The following GLRA2 variants were observed in gnomAD, a reference collection of about 807,000 sequenced individuals.
GLRA2 encodes the protein glycine receptor subunit alpha-2.
In GLRA2, 11 loss-of-function variants were observed where a neutral mutation model predicts 31.6. The observed-to-expected ratio is 0.35, with a 90% CI of 0.22 to 0.58. The LOEUF is 0.58. Among genes scored for constraint, GLRA2 ranks in the 20% least tolerant of loss-of-function variants. GLRA2 has a pLI of 0.84. For synonymous variants in GLRA2, 132 were observed against 134.0 expected, an observed-to-expected ratio of 0.99 and a Z score of 0.10; for missense variants, 212 against 351.8, an observed-to-expected ratio of 0.60 and a Z score of 3.18.
intron 4 of GLRA2, among the ~76,000 whole-genome samples, chrX:14,582,967 G>C (rs981598837): frequency 1.8e-5 from 2 of 111,925 alleles, no homozygotes; most frequent in Non-Finnish European, 3.8e-5. Context: ...CTTGATATAA[G>C]ATATATTAAA....
intron 4 of GLRA2, among the ~76,000 whole-genome samples, chrX:14,590,239 G>C (rs1352138881): frequency 9.0e-6 from 1 of 111,135 alleles, no homozygotes; most frequent in Non-Finnish European, 1.9e-5. Flanking sequence ...AGTAGTACTT[G>C]AGTTGTAATA....
intron 2 of GLRA2, among the ~76,000 whole-genome samples, chrX:14,539,405 T>C (rs1421294220): frequency 3.6e-5 from 4 of 111,605 alleles, no homozygotes; most frequent in Non-Finnish European, 7.6e-5. Flanking sequence ...AGAGAGCTAC[T>C]CTGCACACTT....
In GLRA2 at chrX:14,723,303, A is replaced by G. The variant is rs181680116; in HGVS notation, c.1081-6904A>G. On this transcript the variant is annotated intron_variant, in intron 8 of 8. Coordinates refer to ENST00000218075, the MANE Select transcript of GLRA2 (RefSeq NM_002063.4). ...CTGGAGGTTAACCTTGACAATTTCC[A>G]ATCCATCTCTAAGACCTGTTGATTG... 2.3e-4 allele frequency among the ~76,000 whole-genome samples: 26 copies of G among 112,071 alleles called. 1 individual carries two copies. In the Admixed American group the frequency reaches 2.4e-3, roughly 10 times the overall value.
chrX:14,468,936 T>C, the GLRA2 span, among the ~76,000 whole-genome samples: 4 of 111,105 alleles, frequency 3.6e-5, no homozygotes, highest in Non-Finnish European at 7.6e-5. Context: ...CATTTTTTCA[T>C]GTGTTTTTTG....
chrX:14,534,181 G>A (rs2089293210), intron 2 of GLRA2, among the ~76,000 whole-genome samples: 2 of 106,447 alleles, frequency 1.9e-5, no homozygotes, highest in South Asian at 8.3e-4. Flanking sequence ...AAATAAATGA[G>A]GAGAATGTCA....
chrX:14,534,662 TA>T (rs1306219660), intron 2 of GLRA2, among the ~76,000 whole-genome samples: 1 of 110,560 alleles, frequency 9.0e-6, no homozygotes, highest in Non-Finnish European at 1.9e-5. Context: ...AAAATATTGG[TA>T]GTGTAGGGAA....
At chrX:14,553,429 C>T (rs993892615) in intron 2 of GLRA2, among the ~76,000 whole-genome samples, 2 of 111,774 alleles carry the variant, frequency 1.8e-5, no homozygotes, top group African/African-American at 6.5e-5. Flanking sequence ...TTTGTTGCCT[C>T]CTCTGCCATG....
chrX:14,591,946 A>G (rs2090149814), intron 4 of GLRA2, among the ~76,000 whole-genome samples: 1 of 111,538 alleles, frequency 9.0e-6, no homozygotes, highest in South Asian at 3.8e-4. Context: ...AAGATGGCTC[A>G]GGGCATTGTG....
chrX:14,493,657 A>G, the GLRA2 span, among the ~76,000 whole-genome samples: 1 of 101,249 alleles, frequency 9.9e-6, no homozygotes, highest in African/African-American at 3.6e-5. Flanking sequence ...ATACATATGT[A>G]CACATATATA....
At chrX:14,458,140 T>A in the GLRA2 span, among the ~76,000 whole-genome samples, 2 of 110,588 alleles carry the variant, frequency 1.8e-5, no homozygotes, top group South Asian at 7.8e-4. Context: ...CTTGTCCTTG[T>A]GATAGTTTGC....
At chrX:14,460,806 A>G in the GLRA2 span, among the ~76,000 whole-genome samples, 1 of 111,004 alleles carries the variant, frequency 9.0e-6, no homozygotes, top group Non-Finnish European at 1.9e-5. Flanking sequence ...TCCAAAAACC[A>G]GCTCCTGGAT....
At chrX:14,556,942 G>A (rs1400069632) in intron 2 of GLRA2, among the ~76,000 whole-genome samples, 1 of 110,560 alleles carries the variant, frequency 9.0e-6, no homozygotes, top group Non-Finnish European at 1.9e-5. Context: ...CACATAATGG[G>A]TACTCAATAA....
At chrX:14,653,096 T>C (rs1316378584) in intron 7 of GLRA2, among the ~76,000 whole-genome samples, 2 of 111,784 alleles carry the variant, frequency 1.8e-5, no homozygotes, top group Non-Finnish European at 3.8e-5. Context: ...ATTGACAATG[T>C]ACCTGGTCAC....
chrX:14,559,419 C>CTTTTTTT (rs753470377), intron 2 of GLRA2, among the ~76,000 whole-genome samples: 26 of 48,577 alleles, frequency 5.4e-4, no homozygotes, highest in African/African-American at 6.7e-4. Context: ...GGGGCCATTT[C>CTTTTTTT]TTTTTTTTTT....
chrX:14,724,603 G>A (rs1326604757), intron 8 of GLRA2, among the ~76,000 whole-genome samples: 11 of 81,423 alleles, frequency 1.4e-4, no homozygotes, highest in Non-Finnish European at 2.4e-4. Context: ...TCCAACCTGG[G>A]TGACAAAAGC....
chrX:14,488,062 G>T, the GLRA2 span, among the ~76,000 whole-genome samples: 1 of 111,504 alleles, frequency 9.0e-6, no homozygotes. Flanking sequence ...TGAAAGTGGG[G>T]TTTTAGTTTT....
At chrX:14,549,020 G>T (rs940342829) in intron 2 of GLRA2, among the ~76,000 whole-genome samples, 3 of 112,102 alleles carry the variant, frequency 2.7e-5, no homozygotes, top group Non-Finnish European at 3.8e-5. Flanking sequence ...GCTAACTAAG[G>T]TATCCACTAA....
the GLRA2 span, among the ~76,000 whole-genome samples, chrX:14,514,724 A>G: frequency 6.3e-5 from 7 of 111,249 alleles, no homozygotes; most frequent in African/African-American, 2.3e-4. Context: ...TTAGCATTTG[A>G]AAACTTCTCA....
At chrX:14,663,753 C>T (rs1361716931) in intron 7 of GLRA2, among the ~76,000 whole-genome samples, 3 of 111,034 alleles carry the variant, frequency 2.7e-5, no homozygotes, top group Non-Finnish European at 5.7e-5. Flanking sequence ...AAAACTGTAG[C>T]CCTTGAAAAA....
Sources: allele counts gnomAD v4.1 joint callset (sites outside exome capture counted in the v4.1 genomes callset), GRCh38; gene constraint gnomAD v4.1.1; transcripts MANE v1.5; gene names NCBI Gene and HGNC (gene_info 2026-07-23, HGNC 2026-07-21).